ADCY1: variants seen among roughly 807,000 people sequenced by gnomAD.
ADCY1 encodes adenylate cyclase type 1.
Under a neutral mutation model 105.4 loss-of-function variants are expected in ADCY1, and 28 were observed. The ratio of observed to expected loss-of-function variants is 0.27; its 90% CI spans 0.20 to 0.36. The LOEUF is 0.36. ADCY1 is among the 10% of genes least tolerant of loss of function. The probability of loss-of-function intolerance (pLI) is 1.00; values close to 1 mark genes in which losing one functional copy is unlikely to be tolerated. For missense variants in ADCY1, 977 were observed against 1,434.2 expected, an observed-to-expected ratio of 0.68 and a Z score of 5.15; for synonymous variants, 655 against 623.8, an observed-to-expected ratio of 1.05 and a Z score of -0.75.
chr7:45,695,825 G>A (rs1442306502), intron 14 of ADCY1, among the ~76,000 whole-genome samples: 7 of 152,222 alleles, frequency 4.6e-5, no homozygotes, highest in Non-Finnish European at 7.3e-5. Flanking sequence ...GCTTGAGCAC[G>A]TGAAGTTCAC....
chr7:45,677,966 A>G lies in ADCY1; in HGVS notation c.1703A>G (p.Tyr568Cys). 1 of 1,614,206 alleles carries G rather than the reference A, an allele frequency of 6.2e-7. No individual in the cohort carries two copies. Among genetic ancestry groups the G allele is most frequent in the South Asian group, 1.1e-5 (1 of 91,086 alleles). The change falls in exon 9 of 20, where the codon TAC (tyrosine) becomes TGC (cysteine). Residue 568 changes from tyrosine (Y) to cysteine (C), a missense_variant. Physicochemically the swap from Tyr to Cys is radical, Grantham distance 194. This residue lies in a region of ADCY1 where 275 missense variants were observed against 362.1 expected (regional missense o/e 0.76). Coordinates refer to ENST00000297323, the MANE Select transcript of ADCY1 (RefSeq NM_021116.4). ...YTTPGTRVNRYISRLLEARQT... is the reference protein window; with the variant it reads ...YTTPGTRVNRCISRLLEARQT... ...ACCCCGGGCACTCGCGTCAACAGGT[A>G]CATCAGCCGCCTCTTAGAAGCCCGC...
intron 5 of ADCY1, among the ~76,000 whole-genome samples, chr7:45,655,924 T>G (rs2116094041): frequency 6.6e-6 from 1 of 152,260 alleles, no homozygotes; most frequent in East Asian, 1.9e-4. Context: ...AAAAATAAAT[T>G]TTTTATTTCA....
intron 4 of ADCY1, among the ~76,000 whole-genome samples, chr7:45,648,076 G>A (rs1584300945): frequency 6.6e-6 from 1 of 152,328 alleles, no homozygotes; most frequent in East Asian, 1.9e-4. Flanking sequence ...TGTGAGGCTG[G>A]TGCTGCTGTT....
At chr7:45,699,791 A>G (rs904105752) in intron 14 of ADCY1, among the ~76,000 whole-genome samples, 1 of 152,148 alleles carries the variant, frequency 6.6e-6, no homozygotes, top group African/African-American at 2.4e-5. Flanking sequence ...GGGTGCCAGT[A>G]GTGTTCCTCA....
chr7:45,678,362 T>C lies in ADCY1; in HGVS notation c.1898+99T>C. 6 of 1,173,950 alleles carry C rather than the reference T, an allele frequency of 5.1e-6. 1 individual carries two copies. The highest frequency in any genetic ancestry group is 7.6e-6 in the Non-Finnish European group (6 of 787,134). The allele number at this position is 1,173,950 out of a possible 1,614,324, so 72.7% of individuals were successfully genotyped here. A position where few individuals can be genotyped will look rare whatever the true frequency, so the allele number is the denominator to read the frequency against. On this transcript the variant is annotated intron_variant, in intron 10 of 19. Transcript: ENST00000297323. ...GGGGTTCGTGGTTGTGTTTCTGTTGTATGCTCAAGCTTCGTCTCCCACAGT... is the reference window on the plus strand; with the variant it reads ...GGGGTTCGTGGTTGTGTTTCTGTTGCATGCTCAAGCTTCGTCTCCCACAGT...
intron 12 of ADCY1, among the ~76,000 whole-genome samples, chr7:45,685,602 A>G (rs1784655605): frequency 6.9e-6 from 1 of 145,914 alleles, no homozygotes; most frequent in South Asian, 2.2e-4. Flanking sequence ...GGAACAGGAC[A>G]GAGCTGGGTG....
chr7:45,614,495 A>G (rs1325880832), intron 3 of ADCY1, among the ~76,000 whole-genome samples: 2 of 152,256 alleles, frequency 1.3e-5, no homozygotes, highest in Admixed American at 6.5e-5. Flanking sequence ...AAGAACTCCG[A>G]GACTAATAGA....
intron 14 of ADCY1, among the ~76,000 whole-genome samples, chr7:45,699,309 G>A (rs1325638894): frequency 6.6e-6 from 1 of 152,334 alleles, no homozygotes; most frequent in East Asian, 1.9e-4. Flanking sequence ...AAGATCCAGG[G>A]AGGGAGATTT....
intron 12 of ADCY1, among the ~76,000 whole-genome samples, chr7:45,685,448 T>C (rs1463505287): frequency 6.8e-6 from 1 of 146,458 alleles, no homozygotes; most frequent in African/African-American, 2.6e-5. Context: ...AGGATGGAGT[T>C]TGTAGTGGGA....
chr7:45,707,664 T>C (rs1174814479), intron 17 of ADCY1, among the ~76,000 whole-genome samples: 2 of 152,186 alleles, frequency 1.3e-5, no homozygotes, highest in Non-Finnish European at 2.9e-5. Flanking sequence ...TTAAATTATG[T>C]ACTTTGGTTA....
At position 45,703,417 on chromosome 7, in the gene ADCY1, C is replaced by T. The variant is rs1041395118; in HGVS notation, c.2496C>T (p.Asp832=). 1 of 1,614,098 alleles carries T rather than the reference C, an allele frequency of 6.2e-7. No homozygotes were observed. Among genetic ancestry groups the T allele is most frequent in the Non-Finnish European group, 8.5e-7 (1 of 1,179,994 alleles). Residue 832 remains aspartate (D), a synonymous_variant, in exon 15 of 20, where the codon GAC becomes GAT. Coordinates refer to ENST00000297323, the MANE Select transcript of ADCY1 (RefSeq NM_021116.4). This position sits in a 1 kb window ranked among gnomAD's most constrained non-coding sequence, Gnocchi z 5.9. ...EREDMEKVKL[D]NRRILFNLLP... is the part of the protein sequence containing the mutation. ...AGGACATGGAGAAGGTGAAGCTGGA[C>T]AACAGGCGCATCCTCTTCAACCTCC... is the stretch of plus-strand genomic sequence containing the variant.
intron 14 of ADCY1, among the ~76,000 whole-genome samples, chr7:45,701,490 C>T (rs116361057): frequency 0.014 from 2,108 of 152,242 alleles, 37 homozygotes; most frequent in African/African-American, 0.047. Flanking sequence ...CACTAAAATA[C>T]TATTAACATT....
In ADCY1 at chr7:45,661,965, G is replaced by A; in HGVS notation, c.1450-94G>A. The A allele has an allele frequency of 3.4e-6, 5 of 1,449,550 alleles. No homozygotes were observed. The Admixed American group carries it at 9.3e-5, about 27-fold the overall frequency. The allele number at this position is 1,449,550 out of a possible 1,614,324, so 89.8% of individuals were successfully genotyped here. ...GAGCAAATGAATCCCAGTGCCCTGG[G>A]GTGGCTGTGTTTGTCAGGATGGCAT... On this transcript the variant is annotated intron_variant, in intron 7 of 19. Coordinates refer to ENST00000297323, the MANE Select transcript of ADCY1 (RefSeq NM_021116.4).
At chr7:45,661,910 T>C (rs908082736) in intron 7 of ADCY1, 149 bp from the exon 8 acceptor site, 1 of 943,490 alleles carries the variant, frequency 1.1e-6, no homozygotes, top group South Asian at 1.7e-5. Flanking sequence ...TCTGGGCACG[T>C]TCCCCAATGC....
chr7:45,576,993 A>T (rs1008235619), intron 1 of ADCY1, among the ~76,000 whole-genome samples: 4 of 152,202 alleles, frequency 2.6e-5, no homozygotes, highest in African/African-American at 9.7e-5. Flanking sequence ...ATTAAAAAAG[A>T]GAGAGGGGAG....
At chr7:45,610,696 T>TGG in intron 3 of ADCY1, among the ~76,000 whole-genome samples, 199 bp downstream of exon 3, 1 of 11,386 alleles carries the variant, frequency 8.8e-5, no homozygotes, top group Non-Finnish European at 2.0e-4. Flanking sequence ...GAGGAGGTGA[T>TGG]AGTGGAGGTG....
chr7:45,694,388 T>C (rs1207082227), intron 14 of ADCY1, among the ~76,000 whole-genome samples: 1 of 152,234 alleles, frequency 6.6e-6, no homozygotes, highest in East Asian at 1.9e-4. Flanking sequence ...TTCAAAGAAA[T>C]CAAACAGGAA....
chr7:45,622,593 A>G (rs147363650), intron 3 of ADCY1, 39 bp from the exon 4 acceptor site: 42 of 1,436,604 alleles, frequency 2.9e-5, no homozygotes, highest in Non-Finnish European at 4.1e-5. Context: ...TTCCTGAGTG[A>G]CTGGGAGAAG....
chr7:45,612,188 G>C (rs771071226), intron 3 of ADCY1, among the ~76,000 whole-genome samples: 1 of 152,238 alleles, frequency 6.6e-6, no homozygotes, highest in Non-Finnish European at 1.5e-5. Context: ...GAAGGCCCAA[G>C]TGGGTGGAAA....
Sources: allele counts gnomAD v4.1 joint callset (sites outside exome capture counted in the v4.1 genomes callset), GRCh38; gene constraint gnomAD v4.1.1; regional missense constraint gnomAD v4.1.1; non-coding constraint Gnocchi (gnomAD v3.1); transcripts MANE v1.5; gene names NCBI Gene and HGNC (gene_info 2026-07-23, HGNC 2026-07-21).